The following LY96 variants were observed in gnomAD, a reference collection of about 807,000 sequenced individuals.
LY96 encodes the protein myeloid differentiation protein-2.
A neutral mutation model predicts 18.9 loss-of-function variants in LY96; 18 were observed. The observed-to-expected ratio is 0.95, with a 90% CI of 0.66 to 1.41. The LOEUF (loss-of-function observed/expected upper bound fraction) is 1.41, where lower values mean the gene tolerates loss of function less well. Among genes scored for constraint, LY96 ranks in the 40% most tolerant of loss-of-function variants. LY96 has a pLI of 0.00. For synonymous variants in LY96, 66 were observed against 62.6 expected (o/e 1.06, Z -0.26); for missense variants, 175 against 182.4 (o/e 0.96, Z 0.23).
At chr8:74,037,284 G>T in the LY96 span, among the ~76,000 whole-genome samples, 2 of 152,078 alleles carry the variant, frequency 1.3e-5, no homozygotes, top group South Asian at 4.2e-4. Context: ...ACCATAAAAG[G>T]GAATTAGCCT....
intron 3 of LY96, among the ~76,000 whole-genome samples, chr8:74,019,684 A>C (rs1298236248): frequency 6.6e-6 from 1 of 152,232 alleles, no homozygotes; most frequent in Non-Finnish European, 1.5e-5. Flanking sequence ...AAATACTGGC[A>C]AACCAAATCC....
At chr8:74,049,644 T>C in the LY96 span, among the ~76,000 whole-genome samples, 256 of 152,204 alleles carry the variant, frequency 1.7e-3, no homozygotes, top group African/African-American at 6.0e-3. Context: ...AGGAGTGAAA[T>C]AGATACTTGA....
At chr8:74,022,777 C>T (rs1318244206) in intron 3 of LY96, among the ~76,000 whole-genome samples, 2 of 152,032 alleles carry the variant, frequency 1.3e-5, no homozygotes, top group Non-Finnish European at 2.9e-5. Flanking sequence ...GATGGAGTTT[C>T]ACCATGTTGG....
the LY96 span, among the ~76,000 whole-genome samples, chr8:74,086,057 C>T: frequency 6.6e-6 from 1 of 152,192 alleles, no homozygotes. Flanking sequence ...CCCTCCCAGC[C>T]CCTGGCAACC....
At chr8:74,012,734 T>G (rs1481291182) in intron 3 of LY96, among the ~76,000 whole-genome samples, 1 of 152,048 alleles carries the variant, frequency 6.6e-6, no homozygotes, top group Admixed American at 6.6e-5. Context: ...TATAATAAAA[T>G]TATGTGTAAT....
intron 2 of LY96, among the ~76,000 whole-genome samples, chr8:74,009,412 A>G (rs1816484979): frequency 6.6e-6 from 1 of 150,848 alleles, no homozygotes; most frequent in Non-Finnish European, 1.5e-5. Context: ...AGAAAAGAAA[A>G]GAAAAGAAAG....
chr8:74,015,709 C>G (rs531617840), intron 3 of LY96, among the ~76,000 whole-genome samples: 1 of 152,320 alleles, frequency 6.6e-6, no homozygotes, highest in South Asian at 2.1e-4. Flanking sequence ...ATCCCGCCCC[C>G]TGCATAGCTG....
At chr8:74,048,476 G>C in the LY96 span, among the ~76,000 whole-genome samples, 2 of 152,110 alleles carry the variant, frequency 1.3e-5, no homozygotes, top group African/African-American at 4.8e-5. Context: ...TTATCTGGAG[G>C]CTCCGATGTT....
chr8:74,022,745 C>G (rs937155576), intron 3 of LY96, among the ~76,000 whole-genome samples: 1 of 151,822 alleles, frequency 6.6e-6, no homozygotes, highest in African/African-American at 2.4e-5. Flanking sequence ...CGCCCAACAA[C>G]TTTTTTTGTA....
At chr8:74,096,166 C>T in the LY96 span, among the ~76,000 whole-genome samples, 1 of 152,216 alleles carries the variant, frequency 6.6e-6, no homozygotes, top group Non-Finnish European at 1.5e-5. Context: ...GATCCACAAA[C>T]ATCCCTTGCA....
At chr8:74,035,764 T>C in the LY96 span, among the ~76,000 whole-genome samples, 1 of 152,254 alleles carries the variant, frequency 6.6e-6, no homozygotes, top group Non-Finnish European at 1.5e-5. Flanking sequence ...CCACAACCTG[T>C]TGTCATAACC....
the LY96 span, among the ~76,000 whole-genome samples, chr8:74,051,477 T>C: frequency 6.6e-6 from 1 of 152,204 alleles, no homozygotes; most frequent in Non-Finnish European, 1.5e-5. Context: ...GTAATTATCT[T>C]AGTAATTCAT....
the LY96 span, among the ~76,000 whole-genome samples, chr8:74,067,686 T>C: frequency 6.6e-6 from 1 of 151,874 alleles, no homozygotes; most frequent in African/African-American, 2.4e-5. Flanking sequence ...GTGAGGGAGA[T>C]GGAGGCGTTG....
At chr8:74,015,756 G>C (rs1816629147) in intron 3 of LY96, among the ~76,000 whole-genome samples, 1 of 152,166 alleles carries the variant, frequency 6.6e-6, no homozygotes, top group Admixed American at 6.5e-5. Context: ...TGAGCTGCAT[G>C]GATACCTTTT....
At chr8:74,081,032 T>C in the LY96 span, among the ~76,000 whole-genome samples, 1 of 126,918 alleles carries the variant, frequency 7.9e-6, no homozygotes, top group African/African-American at 3.8e-5. Flanking sequence ...CTTTCTTTCT[T>C]TCTTTCTTTC....
chr8:74,056,609 G>T, the LY96 span: 1 of 156,864 alleles, frequency 6.4e-6, no homozygotes, highest in South Asian at 1.7e-4. Context: ...AAGGTTGAAC[G>T]AGCAGATAGA....
At chr8:74,098,758 C>A in the LY96 span, among the ~76,000 whole-genome samples, 1 of 152,172 alleles carries the variant, frequency 6.6e-6, no homozygotes, top group Non-Finnish European at 1.5e-5. Context: ...ATTATTAGCC[C>A]TTTTAGAATA....
chr8:74,034,767 C>T, the LY96 span, among the ~76,000 whole-genome samples: 1 of 152,164 alleles, frequency 6.6e-6, no homozygotes, highest in Non-Finnish European at 1.5e-5. Context: ...ACTATACAAA[C>T]ACCCTCCTTC....
At chr8:74,010,840 C>G (rs1816515836) in intron 3 of LY96, among the ~76,000 whole-genome samples, 2 of 151,488 alleles carry the variant, frequency 1.3e-5, no homozygotes, top group Admixed American at 1.3e-4. Context: ...CATCCTAACT[C>G]TAAGACATGA....
Sources: allele counts gnomAD v4.1 joint callset (sites outside exome capture counted in the v4.1 genomes callset), GRCh38; gene constraint gnomAD v4.1.1; transcripts MANE v1.5; gene names NCBI Gene and HGNC (gene_info 2026-07-23, HGNC 2026-07-21).